RIPOR1: variants seen among roughly 807,000 people sequenced by gnomAD.
RIPOR1 encodes rho family-interacting cell polarization regulator 1.
In RIPOR1, 58 loss-of-function variants were observed where a neutral mutation model predicts 116.5. That is an observed-to-expected ratio of 0.50 (90% CI 0.40 to 0.62). RIPOR1 has a LOEUF of 0.62. Among genes scored for constraint, RIPOR1 ranks in the 20% least tolerant of loss-of-function variants. The probability of loss-of-function intolerance (pLI) is 0.00; values close to 1 mark genes in which losing one functional copy is unlikely to be tolerated. For missense variants in RIPOR1, 1,372 were observed against 1,586.2 expected, an observed-to-expected ratio of 0.86 and a Z score of 2.29; for synonymous variants, 605 against 650.0, an observed-to-expected ratio of 0.93 and a Z score of 1.05.
rs761701221 is a variant in RIPOR1 at position 67,546,744 on chromosome 16, T to G, written c.*281T>G. The G allele has an allele frequency of 5.9e-5, 30 of 509,028 alleles. No homozygotes were observed. The highest frequency in any genetic ancestry group is 8.8e-5 in the Non-Finnish European group (25 of 283,428). 31.5% of individuals were successfully genotyped at this position (509,028 alleles called of 1,614,324 possible). On this transcript the variant is annotated 3_prime_UTR_variant, in exon 22 of 22. Transcript: ENST00000042381. Reference sequence around the variant, plus strand: ...ACATCCCTTGGTTTTGTATTTTATTTACAGAGTTTTACAGAAAATAAAAAA... The same window carrying G: ...ACATCCCTTGGTTTTGTATTTTATTGACAGAGTTTTACAGAAAATAAAAAA...
chr16:67,521,350 C>T (rs2050493582), intron 1 of RIPOR1, among the ~76,000 whole-genome samples: 1 of 152,222 alleles, frequency 6.6e-6, no homozygotes, highest in Non-Finnish European at 1.5e-5. Flanking sequence ...GGGGGAATTT[C>T]CAGATGCCTG....
chr16:67,543,475 G>A lies in RIPOR1; in HGVS notation c.2600+6G>A, dbSNP rs1464570086. On this transcript the variant is annotated splice_donor_region_variant and intron_variant, in intron 14 of 21. Transcript: ENST00000042381. This position sits in a 1 kb window ranked among gnomAD's most constrained non-coding sequence, Gnocchi z 4.7. ...AATGATGTTCCTGGGGACAGGTGAG[G>A]GGGCTAGGCAAGATGGGTGTGAGGC... 2 of 1,549,928 alleles carry A rather than the reference G, an allele frequency of 1.3e-6. No individual in the cohort carries two copies. Among genetic ancestry groups the A allele is most frequent in the African/African-American group, 1.4e-5 (1 of 73,124 alleles).
Position 67,543,288 on chromosome 16 carries a change from G to C in RIPOR1, c.2478+24G>C, listed in dbSNP as rs755102890. 32 of 1,603,998 alleles carry C rather than the reference G, an allele frequency of 2.0e-5. No individual in the cohort carries two copies. Among genetic ancestry groups the C allele is most frequent in the Non-Finnish European group, 2.5e-5 (29 of 1,176,350 alleles). On this transcript the variant is annotated intron_variant, in intron 13 of 21. Coordinates refer to ENST00000042381, the MANE Select transcript of RIPOR1 (RefSeq NM_024519.4). This position sits in a 1 kb window ranked among gnomAD's most constrained non-coding sequence, Gnocchi z 4.7. The stretch of plus-strand genomic sequence containing the variant: ...TGGTGAGGAGGGCTGGGCTGGGCTA[G>C]GGCAACCAGGGAGGGCAGCCAGGGG...
chr16:67,539,263 T>G, intron 4 of RIPOR1, 195 bp downstream of exon 4: 1 of 569,926 alleles, frequency 1.8e-6, no homozygotes. Flanking sequence ...TGGGACTCAG[T>G]ACCTGCTCCA....
Position 67,538,970 on chromosome 16 carries a change from G to A in RIPOR1, c.258-20G>A. On this transcript the variant is annotated intron_variant, in intron 3 of 21. Coordinates refer to ENST00000042381, the MANE Select transcript of RIPOR1 (RefSeq NM_024519.4). ...AGGCTGGAGAGCCGAGTTCATTCTT[G>A]TGGTCGCCCCTTTCCTCAGGGCCTA... 6.2e-7 allele frequency: 1 copy of A among 1,613,822 alleles called. No individual in the cohort carries two copies. Among genetic ancestry groups the A allele is most frequent in the Non-Finnish European group, 8.5e-7 (1 of 1,179,902 alleles).
chr16:67,546,358 C>T lies in RIPOR1; in HGVS notation c.3563-8C>T, dbSNP rs375043261. The T allele has an allele frequency of 1.9e-6, 3 of 1,613,114 alleles. No homozygotes were observed. The highest frequency in any genetic ancestry group is 2.5e-6 in the Non-Finnish European group (3 of 1,179,302). ...GGCCACCCTTGACCTCATCCTCACT[C>T]ATTACAGGAGAAGAGGGACAGTCTG... is the stretch of plus-strand genomic sequence containing the variant. On this transcript the variant is annotated splice_polypyrimidine_tract_variant and splice_region_variant and intron_variant, in intron 21 of 21. Coordinates refer to ENST00000042381, the MANE Select transcript of RIPOR1 (RefSeq NM_024519.4).
Position 67,545,653 on chromosome 16 carries a change from C to A in RIPOR1, c.3191-11C>A. ...CCTTGCCCACCCACCCACCATATCC[C>A]CTTTTTTCAGTGCTACTGGTGCGGA... On this transcript the variant is annotated splice_polypyrimidine_tract_variant and intron_variant, in intron 18 of 21. Coordinates refer to ENST00000042381, the MANE Select transcript of RIPOR1 (RefSeq NM_024519.4). This position sits in a 1 kb window ranked among gnomAD's most constrained non-coding sequence, Gnocchi z 4.8. 1.9e-6 allele frequency: 3 copies of A among 1,568,238 alleles called. No homozygotes were observed. The highest frequency in any genetic ancestry group is 2.6e-6 in the Non-Finnish European group (3 of 1,155,456).
In RIPOR1 at chr16:67,531,736, G is replaced by C. The variant is rs142322690; in HGVS notation, c.-24+2822G>C. ...ACAGGACAAATCCTGAAGGGCCTAC[G>C]TGGGTCATGTTAGAGAGTCTGGGCT... On this transcript the variant is annotated intron_variant, in intron 1 of 21. Transcript: ENST00000042381. This position sits in a 1 kb window ranked among gnomAD's most constrained non-coding sequence, Gnocchi z 4.2. 9.3e-5 allele frequency: 36 copies of C among 385,956 alleles called. No homozygotes were observed. The Middle Eastern group carries it at 3.3e-3, about 36-fold the overall frequency. The allele number at this position is 385,956 out of a possible 1,614,324, so 23.9% of individuals were successfully genotyped here. A position where few individuals can be genotyped will look rare whatever the true frequency, so the allele number is the denominator to read the frequency against.
intron 1 of RIPOR1, chr16:67,538,160 C>G: frequency 2.6e-6 from 1 of 385,714 alleles, no homozygotes; most frequent in Non-Finnish European, 4.6e-6. Context: ...CGCGCGACCC[C>G]CCTTCCTGCC....
In RIPOR1 at chr16:67,546,379, G is replaced by T. The variant is rs2051169010; in HGVS notation, c.3576G>T (p.Gln1192His). Residue 1192 changes from glutamine to histidine, a missense_variant, in exon 22 of 22, where the codon CAG (glutamine) becomes CAT (histidine). Around this residue, in one of 3 missense-constraint regions of RIPOR1, gnomAD observed 1,005 missense variants for 1,144.7 expected, o/e 0.88. Coordinates refer to ENST00000042381, the MANE Select transcript of RIPOR1 (RefSeq NM_024519.4). ...QSLQQCGEEGQSAHRRLEESL... is the reference protein window; with the variant it reads ...QSLQQCGEEGHSAHRRLEESL... ...CACTCATTACAGGAGAAGAGGGACA[G>T]TCTGCCCATCGACGGCTGGAGGAGT... The T allele has an allele frequency of 6.2e-7, 1 of 1,614,058 alleles. No individual in the cohort carries two copies. Among genetic ancestry groups the T allele is most frequent in the East Asian group, 2.2e-5 (1 of 44,884 alleles).
chr16:67,529,732 C>A lies in RIPOR1; in HGVS notation c.-24+818C>A. The A allele has an allele frequency of 1.3e-6, 2 of 1,531,442 alleles. No homozygotes were observed. Among genetic ancestry groups the A allele is most frequent in the Non-Finnish European group, 1.7e-6 (2 of 1,145,098 alleles). The allele number at this position is 1,531,442 out of a possible 1,614,324, so 94.9% of individuals were successfully genotyped here. ...CCCCAGCACCTACTGTGCGCAGCCT[C>A]GTGTAACAATACTTGTGCCCTGGCT... is the stretch of plus-strand genomic sequence containing the variant. On this transcript the variant is annotated intron_variant, in intron 1 of 21. Transcript: ENST00000042381. This position sits in a 1 kb window ranked among gnomAD's most constrained non-coding sequence, Gnocchi z 4.1.
chr16:67,543,791 CT>C lies in RIPOR1; in HGVS notation c.2600+324del. 1 of 450,396 alleles carries C rather than the reference CT, an allele frequency of 2.2e-6. No homozygotes were observed. The highest frequency in any genetic ancestry group is 4.5e-5 in the East Asian group (1 of 22,098). The allele number at this position is 450,396 out of a possible 1,614,324, so 27.9% of individuals were successfully genotyped here. ...CCCCTCCTCTTCCCCTTGGCCTCAC[CT>C]TGGACCTGCCCTTTAAGGAGCTCTC... is the stretch of plus-strand genomic sequence containing the variant. On this transcript the variant is annotated intron_variant, in intron 14 of 21. Transcript: ENST00000042381. This position sits in a 1 kb window ranked among gnomAD's most constrained non-coding sequence, Gnocchi z 4.7.
chr16:67,537,531 A>G lies in RIPOR1; in HGVS notation c.-23-893A>G. ...GGCGGCTCGAAGTGGCCAGGGCCGGAAGGTCCGCGGGGGGCGAGCGCGGGT... is the reference window on the plus strand; with the variant it reads ...GGCGGCTCGAAGTGGCCAGGGCCGGGAGGTCCGCGGGGGGCGAGCGCGGGT... On this transcript the variant is annotated intron_variant, in intron 1 of 21. Coordinates refer to ENST00000042381, the MANE Select transcript of RIPOR1 (RefSeq NM_024519.4). This position sits in a 1 kb window ranked among gnomAD's most constrained non-coding sequence, Gnocchi z 4.6. The G allele has an allele frequency of 7.5e-7, 1 of 1,337,488 alleles. No homozygotes were observed. The highest frequency in any genetic ancestry group is 9.6e-7 in the Non-Finnish European group (1 of 1,041,572). The allele number at this position is 1,337,488 out of a possible 1,614,324, so 82.9% of individuals were successfully genotyped here. A position where few individuals can be genotyped will look rare whatever the true frequency, so the allele number is the denominator to read the frequency against.
chr16:67,525,280 C>T (rs1268142985), upstream of RIPOR1, among the ~76,000 whole-genome samples: 1 of 152,230 alleles, frequency 6.6e-6, no homozygotes, highest in African/African-American at 2.4e-5. Context: ...CTTGGACATA[C>T]CTGTTCTCTT....
Position 67,544,849 on chromosome 16 carries a change from C to A in RIPOR1, c.2869+19C>A, listed in dbSNP as rs765943686. 1.3e-6 allele frequency: 2 copies of A among 1,588,818 alleles called. No homozygotes were observed. Among genetic ancestry groups the A allele is most frequent in the Non-Finnish European group, 8.6e-7 (1 of 1,163,624 alleles). Reference sequence around the variant, plus strand: ...CAGGAAGGTAAAGGCCCTGGGGGTTCGGGCTCTGCCATCTGCCTTGAAGCT... The same window carrying A: ...CAGGAAGGTAAAGGCCCTGGGGGTTAGGGCTCTGCCATCTGCCTTGAAGCT... On this transcript the variant is annotated intron_variant, in intron 16 of 21. Transcript: ENST00000042381. This position sits in a 1 kb window ranked among gnomAD's most constrained non-coding sequence, Gnocchi z 5.1.
At position 67,538,430 on chromosome 16, in the gene RIPOR1, C is replaced by G; in HGVS notation, c.-17C>G. On this transcript the variant is annotated 5_prime_UTR_variant, in exon 2 of 22. Coordinates refer to ENST00000042381, the MANE Select transcript of RIPOR1 (RefSeq NM_024519.4). ...CCCCCCCGATCACCCGCAGGGAGCC[C>G]CGCGCGGACTCACTCTATGATGTCC... is the stretch of plus-strand genomic sequence containing the variant. 1 of 1,584,528 alleles carries G rather than the reference C, an allele frequency of 6.3e-7. No homozygotes were observed. Among genetic ancestry groups the G allele is most frequent in the Middle Eastern group, 1.7e-4 (1 of 6,026 alleles).
rs879185221 is a variant in RIPOR1, at chr16:67,541,258, CAG to C, written c.802-169_802-168del. 2.1e-6 allele frequency: 1 copy of C among 481,376 alleles called. No individual in the cohort carries two copies. Among genetic ancestry groups the C allele is most frequent in the Non-Finnish European group, 3.6e-6 (1 of 280,064 alleles). 29.8% of individuals were successfully genotyped at this position (481,376 alleles called of 1,614,324 possible). A position where few individuals can be genotyped will look rare whatever the true frequency, so the allele number is the denominator to read the frequency against. On this transcript the variant is annotated intron_variant, in intron 10 of 21. Transcript: ENST00000042381. This position sits in a 1 kb window ranked among gnomAD's most constrained non-coding sequence, Gnocchi z 4.6. Reference sequence around the variant, plus strand: ...ATTTTTTTTTTTTTTTTTTTTGAGACAGAGTCTTGCCATGTTGCCCAAGCTGG... The same window carrying C: ...ATTTTTTTTTTTTTTTTTTTTGAGACAGTCTTGCCATGTTGCCCAAGCTGG...
At position 67,546,459 on chromosome 16, in the gene RIPOR1, TCTAAA is replaced by T; in HGVS notation, c.3660_*4del. On this transcript the variant is annotated stop_lost and 3_prime_UTR_variant, in exon 22 of 22. Transcript: ENST00000042381. ...CCTGGCAGCATGGCCAGCACAGCAT[TCTAAA>T]CTATTCACCCATGGGTTCCTGGTGC... is the stretch of plus-strand genomic sequence containing the variant. 2 of 1,613,656 alleles carry T rather than the reference TCTAAA, an allele frequency of 1.2e-6. No homozygotes were observed. The highest frequency in any genetic ancestry group is 1.7e-6 in the Non-Finnish European group (2 of 1,179,692).
intron 1 of RIPOR1, among the ~76,000 whole-genome samples, chr16:67,522,994 C>G (rs2050507565): frequency 1.3e-5 from 2 of 152,172 alleles, no homozygotes; most frequent in Admixed American, 1.3e-4. Context: ...CTTCACAGCT[C>G]TCCTCTCTCC....
Sources: allele counts gnomAD v4.1 joint callset (sites outside exome capture counted in the v4.1 genomes callset), GRCh38; gene constraint gnomAD v4.1.1; regional missense constraint gnomAD v4.1.1; non-coding constraint Gnocchi (gnomAD v3.1); transcripts MANE v1.5; gene names NCBI Gene and HGNC (gene_info 2026-07-23, HGNC 2026-07-21).